Variants in SNX29 observed in about 807,000 individuals in gnomAD.
SNX29 encodes the protein sorting nexin-29.
Under a neutral mutation model 102.1 loss-of-function variants are expected in SNX29, and 78 were observed. The observed-to-expected ratio is 0.76, with a 90% CI of 0.64 to 0.92. The LOEUF (loss-of-function observed/expected upper bound fraction) is 0.92. SNX29 is among the 40% of genes least tolerant of loss of function. The pLI is 0.00. For missense variants in SNX29, 1,280 were observed against 1,061.7 expected, an observed-to-expected ratio of 1.21 and a Z score of -2.86; for synonymous variants, 580 against 414.5, an observed-to-expected ratio of 1.40 and a Z score of -4.85.
intron 20 of SNX29, among the ~76,000 whole-genome samples, chr16:12,538,532 G>T (rs567680421): frequency 3.9e-5 from 6 of 152,152 alleles, no homozygotes; most frequent in African/African-American, 7.2e-5. Flanking sequence ...TTGCTTATGC[G>T]TGAGGTGATG....
intron 19 of SNX29, among the ~76,000 whole-genome samples, chr16:12,485,228 C>G (rs2088168994): frequency 6.6e-6 from 1 of 152,140 alleles, no homozygotes; most frequent in African/African-American, 2.4e-5. Context: ...TTCTAATGGT[C>G]TGAGGGAGTT....
At chr16:12,152,570 C>A (rs141717803) in intron 13 of SNX29, among the ~76,000 whole-genome samples, 1 of 152,172 alleles carries the variant, frequency 6.6e-6, no homozygotes, top group African/African-American at 2.4e-5. Flanking sequence ...TCAAATGGGG[C>A]AAACCACCAT....
Position 12,279,978 on chromosome 16 carries a change from G to A in SNX29, c.1782+1942G>A, listed in dbSNP as rs147600031. Reference sequence around the variant, plus strand: ...GGGTCCACAAAGGCATTGAGTGCTGGGTCCAGGCAGCGCTCTCCGTGGAGA... The same window carrying A: ...GGGTCCACAAAGGCATTGAGTGCTGAGTCCAGGCAGCGCTCTCCGTGGAGA... On this transcript the variant is annotated intron_variant, in intron 15 of 20. Transcript: ENST00000566228. 6.3e-3 allele frequency among the ~76,000 whole-genome samples: 958 copies of A among 152,276 alleles called. 6 individuals carry two copies. Among genetic ancestry groups the A allele is most frequent in the Middle Eastern group, 0.01 (3 of 294 alleles).
At chr16:12,269,148 A>G (rs1403977908) in intron 14 of SNX29, among the ~76,000 whole-genome samples, 1 of 152,216 alleles carries the variant, frequency 6.6e-6, no homozygotes, top group Admixed American at 6.5e-5. Context: ...TTTTTGCCAA[A>G]TCATTATTTT....
intron 20 of SNX29, among the ~76,000 whole-genome samples, chr16:12,530,263 A>G (rs1274414704): frequency 6.6e-6 from 1 of 152,200 alleles, no homozygotes; most frequent in Non-Finnish European, 1.5e-5. Context: ...AGAACAGCGC[A>G]TCACACATAG....
intron 16 of SNX29, among the ~76,000 whole-genome samples, chr16:12,369,926 T>A (rs1051683724): frequency 2.0e-5 from 3 of 152,194 alleles, no homozygotes; most frequent in Non-Finnish European, 4.4e-5. Flanking sequence ...TGAAAAAATC[T>A]TTCTTTGAGG....
At chr16:12,032,904 C>T (rs1270230021) in intron 4 of SNX29, among the ~76,000 whole-genome samples, 1 of 151,926 alleles carries the variant, frequency 6.6e-6, no homozygotes, top group African/African-American at 2.4e-5. Context: ...ACTTTGTCAC[C>T]CAGGCTGGAG....
At chr16:12,063,709 T>G (rs1478013781) in intron 9 of SNX29, among the ~76,000 whole-genome samples, 1 of 151,712 alleles carries the variant, frequency 6.6e-6, no homozygotes, top group Non-Finnish European at 1.5e-5. Flanking sequence ...CCCTGTTCAT[T>G]CTCATGCCCT....
In SNX29 at chr16:12,568,460, G is replaced by C. The variant is rs750742772; in HGVS notation, c.2319-46G>C. The C allele has an allele frequency of 2.5e-6, 4 of 1,602,788 alleles. No homozygotes were observed. In the Admixed American group the frequency reaches 5.0e-5, roughly 20 times the overall value. On this transcript the variant is annotated intron_variant, in intron 20 of 20. Coordinates refer to ENST00000566228, the MANE Select transcript of SNX29 (RefSeq NM_032167.5). ...TCCCCTTCCTGGCCTGTGGTCATTT[G>C]CTTTTCATCCCCAGACTTAACCCGA...
At chr16:12,311,646 A>ACC (rs1277393807) in intron 15 of SNX29, among the ~76,000 whole-genome samples, 1 of 152,124 alleles carries the variant, frequency 6.6e-6, no homozygotes, top group African/African-American at 2.4e-5. Context: ...TTCATCTCCA[A>ACC]CCCTTCACCC....
chr16:12,563,654 CTT>C lies in SNX29; in HGVS notation c.2319-4849_2319-4848del, dbSNP rs538946885. Reference sequence around the variant, plus strand: ...TGGCCCCAGAAGGTAGGAACTGAGTCTTTTCAATTCCCCGAGAGCCCATGATG... The same window carrying C: ...TGGCCCCAGAAGGTAGGAACTGAGTCTTCAATTCCCCGAGAGCCCATGATG... On this transcript the variant is annotated intron_variant, in intron 20 of 20. Coordinates refer to ENST00000566228, the MANE Select transcript of SNX29 (RefSeq NM_032167.5). Among the ~76,000 whole-genome samples, 3 of 152,292 alleles carry C rather than the reference CTT, an allele frequency of 2.0e-5. No individual in the cohort carries two copies. The East Asian group carries it at 5.8e-4, about 29-fold the overall frequency.
chr16:12,547,992 G>T (rs974476039), intron 20 of SNX29, among the ~76,000 whole-genome samples: 1 of 152,118 alleles, frequency 6.6e-6, no homozygotes, highest in African/African-American at 2.4e-5. Flanking sequence ...CAGGGGTCTC[G>T]AGTGAACGTG....
At chr16:12,445,548 G>T (rs1432797241) in intron 18 of SNX29, among the ~76,000 whole-genome samples, 1 of 152,232 alleles carries the variant, frequency 6.6e-6, no homozygotes, top group Non-Finnish European at 1.5e-5. Context: ...TAGATGACTG[G>T]CTGGCTGAAT....
Position 12,052,131 on chromosome 16 carries a change from A to C in SNX29, c.1033A>C (p.Ile345Leu). The C allele has an allele frequency of 6.2e-7, 1 of 1,613,988 alleles. No individual in the cohort carries two copies. Among genetic ancestry groups the C allele is most frequent in the South Asian group, 1.1e-5 (1 of 91,074 alleles). The part of the protein sequence containing the change: ...FGYQKLDVKS[I>L]DDEDVDENED... Reference sequence around the variant, plus strand: ...GTACCAGAAGCTTGATGTGAAAAGCATCGATGATGAAGATGTGGATGAAAA... The same window carrying C: ...GTACCAGAAGCTTGATGTGAAAAGCCTCGATGATGAAGATGTGGATGAAAA... Residue 345 changes from isoleucine to leucine, a missense_variant, in exon 8 of 21, where the codon ATC becomes CTC. Physicochemically the swap from Ile to Leu is conservative, Grantham distance 5. Transcript: ENST00000566228.
chr16:12,488,037 C>G (rs1009593074), intron 19 of SNX29, among the ~76,000 whole-genome samples: 2 of 152,122 alleles, frequency 1.3e-5, no homozygotes, highest in Admixed American at 1.3e-4. Context: ...GAGCTTCAGA[C>G]TCAGAATATG....
chr16:12,459,830 T>C (rs1454343595), intron 18 of SNX29, among the ~76,000 whole-genome samples: 1 of 152,116 alleles, frequency 6.6e-6, no homozygotes, highest in Non-Finnish European at 1.5e-5. Context: ...CTTGTACCCG[T>C]CCAGTAATAC....
rs998279050 is a variant in SNX29, at chr16:12,524,850, T to A, written c.2318+9T>A. The A allele has an allele frequency of 6.2e-7, 1 of 1,610,200 alleles. No individual in the cohort carries two copies. The highest frequency in any genetic ancestry group is 1.3e-5 in the African/African-American group (1 of 74,708). On this transcript the variant is annotated intron_variant, in intron 20 of 20. Coordinates refer to ENST00000566228, the MANE Select transcript of SNX29 (RefSeq NM_032167.5). ...CTGATGCCCTTCTTCGTGTAAGTAC[T>A]GCTCCCACGGACATGGGCCGCCAGC...
chr16:12,270,727 G>A (rs1224181532), intron 14 of SNX29, among the ~76,000 whole-genome samples: 3 of 151,984 alleles, frequency 2.0e-5, no homozygotes, highest in African/African-American at 7.3e-5. Context: ...GTCACTTCAT[G>A]GTCTAACTCA....
chr16:12,508,370 G>A lies in SNX29; in HGVS notation c.2179-16332G>A, dbSNP rs150711740. ...GTGTCACCTCTCAGTAGCACAGCTC[G>A]ATGAACTGTAGCAGCGGGGCCGCAA... is the stretch of plus-strand genomic sequence containing the variant. On this transcript the variant is annotated intron_variant, in intron 19 of 20. Coordinates refer to ENST00000566228, the MANE Select transcript of SNX29 (RefSeq NM_032167.5). Among the ~76,000 whole-genome samples, 427 of 152,338 alleles carry A rather than the reference G, an allele frequency of 2.8e-3. 1 individual carries two copies. Among genetic ancestry groups the A allele is most frequent in the African/African-American group, 9.6e-3 (401 of 41,590 alleles).
Sources: allele counts gnomAD v4.1 joint callset (sites outside exome capture counted in the v4.1 genomes callset), GRCh38; gene constraint gnomAD v4.1.1; transcripts MANE v1.5; gene names NCBI Gene and HGNC (gene_info 2026-07-23, HGNC 2026-07-21).